The following DOK6 variants were observed in gnomAD, a reference collection of about 807,000 sequenced individuals.
DOK6 encodes the protein docking protein 6, also known as downstream of tyrosine kinase 6.
A neutral mutation model predicts 44.0 loss-of-function variants in DOK6; 22 were observed. That is an observed-to-expected ratio of 0.50 (90% CI 0.36 to 0.71). The LOEUF is 0.71. DOK6 is among the 30% of genes least tolerant of loss of function. The probability of loss-of-function intolerance (pLI) is 0.00; values close to 1 mark genes in which losing one functional copy is unlikely to be tolerated. For synonymous variants in DOK6, 166 were observed against 145.5 expected, an observed-to-expected ratio of 1.14 and a Z score of -1.01; for missense variants, 340 against 416.4, an observed-to-expected ratio of 0.82 and a Z score of 1.60.
intron 1 of DOK6, among the ~76,000 whole-genome samples, chr18:69,487,175 A>ATGTGTG (rs1491370092): frequency 3.6e-4 from 37 of 102,498 alleles, no homozygotes; most frequent in African/African-American, 1.3e-3. Flanking sequence ...CACTGATAGG[A>ATGTGTG]TATGTGTGTG....
intron 7 of DOK6, among the ~76,000 whole-genome samples, chr18:69,809,471 A>C (rs2145113817): frequency 6.6e-6 from 1 of 151,764 alleles, no homozygotes; most frequent in Non-Finnish European, 1.5e-5. Context: ...AAAAGAAATA[A>C]AGGGCATTGA....
chr18:69,631,241 G>A (rs1269866755), intron 3 of DOK6, among the ~76,000 whole-genome samples: 1 of 152,128 alleles, frequency 6.6e-6, no homozygotes, highest in Non-Finnish European at 1.5e-5. Flanking sequence ...CTCTTCATAT[G>A]GGAAAGTTCT....
chr18:69,599,389 T>A lies in DOK6; in HGVS notation c.180T>A (p.Thr60=). 2 of 1,611,264 alleles carry A rather than the reference T, an allele frequency of 1.2e-6. No homozygotes were observed. The highest frequency in any genetic ancestry group is 1.7e-6 in the Non-Finnish European group (2 of 1,178,950). ...AAYFRNFHKV[T]ELHNIKNITR... Reference sequence around the variant, plus strand: ...AATATATTTTTTCTTTCAAGGTAACTGAACTGCACAATATCAAAAATATAA... The same window carrying A: ...AATATATTTTTTCTTTCAAGGTAACAGAACTGCACAATATCAAAAATATAA... Residue 60 remains threonine (T), a synonymous_variant, in exon 3 of 8, where the codon ACT becomes ACA. Transcript: ENST00000382713.
At chr18:69,636,657 A>G (rs1984816764) in intron 3 of DOK6, among the ~76,000 whole-genome samples, 1 of 152,220 alleles carries the variant, frequency 6.6e-6, no homozygotes, top group South Asian at 2.1e-4. Flanking sequence ...GCTGTCTTCA[A>G]AGATCTGCTT....
Position 69,845,809 on chromosome 18 carries a change from C to G in DOK6, c.*4426C>G, listed in dbSNP as rs1048399982. On this transcript the variant is annotated 3_prime_UTR_variant, in exon 8 of 8. Transcript: ENST00000382713. ...GCCACTAGAGGAAGTCACTACATTC[C>G]CAACAAAGATGTGTCTTTCGGCTTA... is the stretch of plus-strand genomic sequence containing the variant. 6 of 152,148 alleles carry G rather than the reference C, an allele frequency of 3.9e-5. No homozygotes were observed. Among genetic ancestry groups the G allele is most frequent in the African/African-American group, 1.4e-4 (6 of 41,440 alleles). 9.4% of individuals were successfully genotyped at this position (152,148 alleles called of 1,614,324 possible).
At chr18:69,630,608 T>A (rs4891761) in intron 3 of DOK6, among the ~76,000 whole-genome samples, 102,098 of 152,120 alleles carry the variant, frequency 0.67, 38,268 homozygotes, top group Non-Finnish European at 0.85. Context: ...GTCGAAACAA[T>A]AATGGCGGAT....
chr18:69,458,320 A>G (rs1979686549), intron 1 of DOK6, among the ~76,000 whole-genome samples: 1 of 152,232 alleles, frequency 6.6e-6, no homozygotes. Context: ...ACAGACACAG[A>G]AAAAGCTTTT....
At chr18:69,829,425 G>T (rs1057017210) in intron 7 of DOK6, among the ~76,000 whole-genome samples, 9 of 152,008 alleles carry the variant, frequency 5.9e-5, no homozygotes, top group African/African-American at 2.2e-4. Context: ...AAACTATTAT[G>T]ATTGCCATTG....
In DOK6 at chr18:69,523,495, C is replaced by T. The variant is rs36008046; in HGVS notation, c.67-40992C>T. On this transcript the variant is annotated intron_variant, in intron 1 of 7. Transcript: ENST00000382713. The stretch of plus-strand genomic sequence containing the variant: ...AGAATCAAGTCTAAATTCAAACTCT[C>T]TCAAACCAATTTAATGTAAGATACA... 7.2e-3 allele frequency among the ~76,000 whole-genome samples: 1,090 copies of T among 152,090 alleles called. 8 individuals carry two copies. The highest frequency in any genetic ancestry group is 0.025 in the African/African-American group (1,039 of 41,522).
chr18:69,793,993 T>C (rs982530445), intron 7 of DOK6, among the ~76,000 whole-genome samples: 4 of 152,186 alleles, frequency 2.6e-5, no homozygotes, highest in Non-Finnish European at 5.9e-5. Flanking sequence ...CTCTTCCTAT[T>C]TATTTTTATT....
At chr18:69,797,815 C>A (rs1980791837) in intron 7 of DOK6, among the ~76,000 whole-genome samples, 1 of 152,052 alleles carries the variant, frequency 6.6e-6, no homozygotes, top group Non-Finnish European at 1.5e-5. Context: ...ATTCTTTCAT[C>A]AAATATTAAG....
At chr18:69,413,493 G>T (rs1189386577) in intron 1 of DOK6, among the ~76,000 whole-genome samples, 1 of 152,068 alleles carries the variant, frequency 6.6e-6, no homozygotes, top group Admixed American at 6.6e-5. Flanking sequence ...TTAGGCAAAG[G>T]TGGAAAACTA....
chr18:69,819,456 A>T (rs1335032182), intron 7 of DOK6, among the ~76,000 whole-genome samples: 2 of 152,166 alleles, frequency 1.3e-5, no homozygotes, highest in African/African-American at 4.8e-5. Flanking sequence ...ATTCATTTTC[A>T]TTCCAGCATG....
At chr18:69,819,683 G>T (rs1444563871) in intron 7 of DOK6, among the ~76,000 whole-genome samples, 1 of 152,006 alleles carries the variant, frequency 6.6e-6, no homozygotes, top group Non-Finnish European at 1.5e-5. Context: ...CCTCCTGCCC[G>T]TAGACCTTGA....
intron 2 of DOK6, among the ~76,000 whole-genome samples, chr18:69,591,176 A>G (rs1229591062): frequency 6.6e-6 from 1 of 152,196 alleles, no homozygotes; most frequent in Non-Finnish European, 1.5e-5. Flanking sequence ...TTGATGAAGT[A>G]GTAAGAAATA....
chr18:69,622,708 A>G (rs1271528563), intron 3 of DOK6, among the ~76,000 whole-genome samples: 1 of 152,182 alleles, frequency 6.6e-6, no homozygotes, highest in African/African-American at 2.4e-5. Flanking sequence ...GCAGAATGAC[A>G]CAAAGAAAAT....
chr18:69,540,759 G>A (rs925505075), intron 1 of DOK6, among the ~76,000 whole-genome samples: 1 of 151,816 alleles, frequency 6.6e-6, no homozygotes, highest in African/African-American at 2.4e-5. Context: ...ATTACCTTAT[G>A]CTTTGTTATA....
At position 69,621,479 on chromosome 18, in the gene DOK6, T is replaced by C. The variant is rs559369175; in HGVS notation, c.289+21981T>C. 1.1e-4 allele frequency among the ~76,000 whole-genome samples: 16 copies of C among 152,340 alleles called. No individual in the cohort carries two copies. The East Asian group carries it at 3.1e-3, about 29-fold the overall frequency. On this transcript the variant is annotated intron_variant, in intron 3 of 7. Transcript: ENST00000382713. ...ATCTGTAGGAATGTATATATTTTGCTGTTTTGTTTTGCCAAATGTATATGA... is the reference window on the plus strand; with the variant it reads ...ATCTGTAGGAATGTATATATTTTGCCGTTTTGTTTTGCCAAATGTATATGA...
chr18:69,810,233 A>C (rs1006313028), intron 7 of DOK6, among the ~76,000 whole-genome samples: 2 of 152,034 alleles, frequency 1.3e-5, no homozygotes, highest in Non-Finnish European at 2.9e-5. Flanking sequence ...TTCTTCAATA[A>C]ATGGTATTGG....
Sources: allele counts gnomAD v4.1 joint callset (sites outside exome capture counted in the v4.1 genomes callset), GRCh38; gene constraint gnomAD v4.1.1; transcripts MANE v1.5; gene names NCBI Gene and HGNC (gene_info 2026-07-23, HGNC 2026-07-21).